Variants in IQCM observed in about 807,000 individuals in gnomAD.
IQCM encodes the protein IQ domain-containing protein M.
In IQCM, 45 loss-of-function variants were observed where a neutral mutation model predicts 57.6. The ratio of observed to expected loss-of-function variants is 0.78; its 90% CI spans 0.62 to 1.00. The LOEUF is 1.00. Ranked by LOEUF, IQCM falls within the 50% of genes least tolerant of loss-of-function variation. The probability of loss-of-function intolerance (pLI) is 0.00; values close to 1 mark genes in which losing one functional copy is unlikely to be tolerated. For missense variants in IQCM, 468 were observed against 511.6 expected (o/e 0.91, Z 0.82); for synonymous variants, 148 against 158.9 (o/e 0.93, Z 0.51).
At position 149,772,412 on chromosome 4, in the gene IQCM, G is replaced by A. The variant is rs77970779; in HGVS notation, c.-48-29673C>T. Among the ~76,000 whole-genome samples the A allele has an allele frequency of 6.4e-3, 971 of 151,948 alleles. 85 individuals carry two copies. In the East Asian group the frequency reaches 0.17, roughly 26 times the overall value. On this transcript the variant is annotated intron_variant, in intron 2 of 13. Transcript: ENST00000636793. ...ATATTTCATGCATAAATACATACAC[G>A]CACCCCCCATTCAGAAAAATAGAAA...
At chr4:149,554,706 C>A (rs1560985643) in intron 10 of IQCM, among the ~76,000 whole-genome samples, 1 of 143,020 alleles carries the variant, frequency 7.0e-6, no homozygotes, top group African/African-American at 2.6e-5. Flanking sequence ...TCTTTTCTTT[C>A]TTTTTTTTTT....
intron 9 of IQCM, among the ~76,000 whole-genome samples, chr4:149,566,374 G>A (rs563504046): frequency 6.6e-6 from 1 of 152,292 alleles, no homozygotes; most frequent in African/African-American, 2.4e-5. Context: ...TGTGATGGTA[G>A]GGTGATATGT....
At chr4:149,623,764 C>T (rs966860846) in intron 7 of IQCM, among the ~76,000 whole-genome samples, 4 of 149,762 alleles carry the variant, frequency 2.7e-5, no homozygotes, top group African/African-American at 9.9e-5. Context: ...CACATGTGCA[C>T]AAGAGTAGGC....
chr4:149,663,405 G>T (rs948663607), intron 7 of IQCM, among the ~76,000 whole-genome samples: 1 of 151,904 alleles, frequency 6.6e-6, no homozygotes, highest in Non-Finnish European at 1.5e-5. Flanking sequence ...GCTTTCATGT[G>T]TATTCATGAT....
intron 12 of IQCM, among the ~76,000 whole-genome samples, chr4:149,463,214 A>C (rs1314606748): frequency 6.6e-6 from 1 of 152,192 alleles, no homozygotes; most frequent in Non-Finnish European, 1.5e-5. Context: ...GTGAAGACAA[A>C]TGATGATCAA....
Position 149,590,404 on chromosome 4 carries a change from T to G in IQCM, c.682-2407A>C, listed in dbSNP as rs577088880. ...TTGATGTTTCACCTCTATTTTCTCT[T>G]AAATTCTTTCTCTCTTCTTTACACA... On this transcript the variant is annotated intron_variant, in intron 8 of 13. Coordinates refer to ENST00000636793, the MANE Select transcript of IQCM (RefSeq NM_001363507.2). 1.1e-4 allele frequency among the ~76,000 whole-genome samples: 17 copies of G among 152,014 alleles called. No homozygotes were observed. In the South Asian group the frequency reaches 2.9e-3, roughly 26 times the overall value.
chr4:149,464,656 C>A (rs1738655461), intron 12 of IQCM, among the ~76,000 whole-genome samples: 1 of 152,084 alleles, frequency 6.6e-6, no homozygotes, highest in Non-Finnish European at 1.5e-5. Context: ...GATCACCTTG[C>A]TTGACCTAGG....
rs748565416 is a variant in IQCM, at chr4:149,810,362, C to CA, written c.-49+4948dup. Among the ~76,000 whole-genome samples, 340 of 85,908 alleles carry CA rather than the reference C, an allele frequency of 4.0e-3. 2 individuals are homozygous for CA. The highest frequency in any genetic ancestry group is 6.9e-3 in the Middle Eastern group (1 of 144). The allele number at this position is 85,908 out of a possible 152,430, so 56.4% of individuals were successfully genotyped here. ...GGATGACCGAGCAAGACACCATCTC[C>CA]AAAAAAAAAAAAAAAAAAGAAAAGT... On this transcript the variant is annotated intron_variant, in intron 2 of 13. Transcript: ENST00000636793.
chr4:149,724,931 A>G (rs1765762148), intron 5 of IQCM, among the ~76,000 whole-genome samples: 1 of 152,026 alleles, frequency 6.6e-6, no homozygotes, highest in Non-Finnish European at 1.5e-5. Context: ...TTAAAATTTA[A>G]TAATTTTTAA....
intron 12 of IQCM, among the ~76,000 whole-genome samples, chr4:149,481,705 T>TTTTTTTTTGTTTTTTGTTTTG (rs1393102224): frequency 1.1e-4 from 15 of 133,146 alleles, no homozygotes; most frequent in Non-Finnish European, 1.9e-4. Context: ...AGTTTTGTTT[T>TTTTTTTTTGTTTTTTGTTTTG]TTTTTTTTTT....
chr4:149,536,395 C>G (rs1747298981), intron 12 of IQCM, among the ~76,000 whole-genome samples: 1 of 151,974 alleles, frequency 6.6e-6, no homozygotes, highest in African/African-American at 2.4e-5. Flanking sequence ...TTCACTGTTA[C>G]CAGCTATCCT....
chr4:149,712,591 A>G (rs1764652607), intron 5 of IQCM, among the ~76,000 whole-genome samples: 1 of 152,152 alleles, frequency 6.6e-6, no homozygotes, highest in African/African-American at 2.4e-5. Flanking sequence ...CTATTTAACC[A>G]CTGAGGATGG....
At chr4:149,688,705 A>C (rs1477349047) in intron 5 of IQCM, among the ~76,000 whole-genome samples, 2 of 152,096 alleles carry the variant, frequency 1.3e-5, no homozygotes, top group Non-Finnish European at 2.9e-5. Context: ...TTCAAACTAT[A>C]CTATAAGGCC....
At chr4:149,581,649 T>C (rs1040580553) in intron 9 of IQCM, among the ~76,000 whole-genome samples, 6 of 151,716 alleles carry the variant, frequency 4.0e-5, no homozygotes, top group African/African-American at 1.5e-4. Flanking sequence ...CATGACGGGT[T>C]TCATGAGTTG....
At chr4:149,582,808 C>T (rs1478989744) in intron 9 of IQCM, among the ~76,000 whole-genome samples, 1 of 151,464 alleles carries the variant, frequency 6.6e-6, no homozygotes, top group East Asian at 2.0e-4. Flanking sequence ...GATAAGCAGG[C>T]TAACTTTCCA....
At chr4:149,466,536 G>A (rs1738877138) in intron 12 of IQCM, among the ~76,000 whole-genome samples, 1 of 152,144 alleles carries the variant, frequency 6.6e-6, no homozygotes, top group Admixed American at 6.5e-5. Context: ...AAAACAGTTG[G>A]CAATGCTTAT....
At chr4:149,466,321 T>C in intron 12 of IQCM, among the ~76,000 whole-genome samples, 1 of 152,292 alleles carries the variant, frequency 6.6e-6, no homozygotes, top group Admixed American at 6.5e-5. Flanking sequence ...ACAATAACAA[T>C]AATAATGTTC....
chr4:149,365,702 C>T (rs1729781516), intron 13 of IQCM, among the ~76,000 whole-genome samples: 1 of 149,530 alleles, frequency 6.7e-6, no homozygotes, highest in Non-Finnish European at 1.5e-5. Flanking sequence ...ATATTCTTTC[C>T]AAAAATTTGT....
chr4:149,717,633 C>T (rs749046251), intron 5 of IQCM, among the ~76,000 whole-genome samples: 1 of 152,088 alleles, frequency 6.6e-6, no homozygotes, highest in Non-Finnish European at 1.5e-5. Flanking sequence ...TACTAATTAG[C>T]ATTTAATAAT....
Sources: gnomAD v4.1 joint callset for allele counts (sites outside exome capture counted in the v4.1 genomes callset) on GRCh38, gnomAD v4.1.1 for gene constraint, MANE v1.5 for transcripts, NCBI Gene and HGNC (gene_info 2026-07-23, HGNC 2026-07-21) for gene names.